Variants in FRMD4B observed in about 807,000 individuals in gnomAD.
FRMD4B encodes the protein FERM domain containing 4B, also known as FERM domain-containing protein 4B.
Under a neutral mutation model 141.5 loss-of-function variants are expected in FRMD4B, and 74 were observed. The observed-to-expected ratio is 0.52, with a 90% CI of 0.43 to 0.63. The LOEUF (loss-of-function observed/expected upper bound fraction) is 0.63. FRMD4B is among the 30% of genes least tolerant of loss of function. The probability of loss-of-function intolerance (pLI) is 0.00; values close to 1 mark genes in which losing one functional copy is unlikely to be tolerated. For synonymous variants in FRMD4B, 506 were observed against 467.9 expected (o/e 1.08, Z -1.05); for missense variants, 1,366 against 1,253.4 (o/e 1.09, Z -1.36).
intron 5 of FRMD4B, among the ~76,000 whole-genome samples, chr3:69,263,861 G>A (rs1388905058): frequency 3.7e-5 from 4 of 107,940 alleles, no homozygotes; most frequent in Non-Finnish European, 6.7e-5. Context: ...GTCTCGCTCT[G>A]TTGCCCAGGC....
chr3:69,306,712 C>T, intron 3 of FRMD4B: 1 of 152,188 alleles, frequency 6.6e-6, no homozygotes, highest in East Asian at 1.9e-4. Flanking sequence ...TTTTCCGTTT[C>T]TCCTCTTGGC....
chr3:69,375,802 A>G (rs1447129629), intron 1 of FRMD4B, among the ~76,000 whole-genome samples: 1 of 152,220 alleles, frequency 6.6e-6, no homozygotes, highest in Non-Finnish European at 1.5e-5. Context: ...ATAATATCAT[A>G]CTGAAGAGGA....
In FRMD4B at chr3:69,386,074, A is replaced by G; in HGVS notation, c.-85T>C. ...AGCGGCCTGCCCGCCTGGGCTCCCG[A>G]CGCCGGCTTCTGCTGGCAGCCGGGG... On this transcript the variant is annotated 5_prime_UTR_variant, in exon 1 of 23. Coordinates refer to ENST00000398540, the MANE Select transcript of FRMD4B (RefSeq NM_015123.3). 3.2e-6 allele frequency: 4 copies of G among 1,249,146 alleles called. No homozygotes were observed. The highest frequency in any genetic ancestry group is 4.2e-6 in the Non-Finnish European group (4 of 944,274). 77.4% of individuals were successfully genotyped at this position (1,249,146 alleles called of 1,614,324 possible).
chr3:69,414,710 G>A (rs1457532084), intron 2 of FRMD4B, among the ~76,000 whole-genome samples: 1 of 152,222 alleles, frequency 6.6e-6, no homozygotes, highest in Admixed American at 6.5e-5. Flanking sequence ...GGTCAAGGGT[G>A]TGCCCAGAAA....
intron 1 of FRMD4B, among the ~76,000 whole-genome samples, chr3:69,537,500 A>G (rs1307095474): frequency 6.6e-6 from 1 of 152,194 alleles, no homozygotes; most frequent in African/African-American, 2.4e-5. Context: ...ATTCAAATAA[A>G]TGTCTTCCAA....
In FRMD4B at chr3:69,232,914, GTT is replaced by G. The variant is rs58551547; in HGVS notation, c.582-8226_582-8225del. Reference sequence around the variant, plus strand: ...GTTGCAAATTTCACTTTTGTTGTTTGTTTTTTTTTTTTTTTTTGGTAGGGATG... The same window carrying G: ...GTTGCAAATTTCACTTTTGTTGTTTGTTTTTTTTTTTTTTTGGTAGGGATG... On this transcript the variant is annotated intron_variant, in intron 7 of 22. Coordinates refer to ENST00000398540, the MANE Select transcript of FRMD4B (RefSeq NM_015123.3). Among the ~76,000 whole-genome samples, 42 of 128,792 alleles carry G rather than the reference GTT, an allele frequency of 3.3e-4. 1 individual carries two copies. Among genetic ancestry groups the G allele is most frequent in the East Asian group, 1.5e-3 (6 of 4,022 alleles). 84.5% of individuals were successfully genotyped at this position (128,792 alleles called of 152,430 possible). A position where few individuals can be genotyped will look rare whatever the true frequency, so the allele number is the denominator to read the frequency against.
intron 7 of FRMD4B, among the ~76,000 whole-genome samples, chr3:69,233,474 C>A (rs1168089282): frequency 7.4e-5 from 11 of 149,332 alleles, no homozygotes; most frequent in South Asian, 2.1e-4. Context: ...CAGAGTGAGA[C>A]CCTGTCTCAA....
intron 5 of FRMD4B, among the ~76,000 whole-genome samples, chr3:69,254,666 T>C (rs1037270710): frequency 1.3e-5 from 2 of 152,134 alleles, no homozygotes; most frequent in African/African-American, 4.8e-5. Context: ...ATGAAAATGT[T>C]TCACAACTGG....
chr3:69,459,487 C>T (rs1705674910), intron 1 of FRMD4B, among the ~76,000 whole-genome samples: 1 of 152,166 alleles, frequency 6.6e-6, no homozygotes, highest in Non-Finnish European at 1.5e-5. Context: ...TTTTAAAATG[C>T]CTGTATGTGC....
intron 11 of FRMD4B, among the ~76,000 whole-genome samples, chr3:69,209,588 AAGTGGAAATG>A: frequency 6.6e-6 from 1 of 152,186 alleles, no homozygotes; most frequent in Non-Finnish European, 1.5e-5. Flanking sequence ...GCCAGCTGGT[AAGTGGAAATG>A]CAGAACTGGT....
At chr3:69,531,667 C>T (rs1339477362) in intron 1 of FRMD4B, among the ~76,000 whole-genome samples, 4 of 152,192 alleles carry the variant, frequency 2.6e-5, no homozygotes, top group Non-Finnish European at 5.9e-5. Context: ...TGCTGACAAA[C>T]TGCCAATTTT....
intron 5 of FRMD4B, among the ~76,000 whole-genome samples, chr3:69,259,965 C>G (rs928191831): frequency 6.6e-6 from 1 of 152,196 alleles, no homozygotes; most frequent in African/African-American, 2.4e-5. Context: ...CTAATGAAAT[C>G]GCTTTATAGT....
At chr3:69,356,496 G>C (rs1482095536) in intron 1 of FRMD4B, among the ~76,000 whole-genome samples, 2 of 151,824 alleles carry the variant, frequency 1.3e-5, no homozygotes, top group Admixed American at 6.6e-5. Flanking sequence ...GGCTCTCCTT[G>C]CTCCTCAGCC....
At chr3:69,396,110 C>T (rs909177701) in intron 2 of FRMD4B, among the ~76,000 whole-genome samples, 28 of 152,160 alleles carry the variant, frequency 1.8e-4, no homozygotes, top group African/African-American at 6.5e-4. Flanking sequence ...TCTTATTTTG[C>T]CAGTGTCCTT....
intron 2 of FRMD4B, among the ~76,000 whole-genome samples, chr3:69,398,870 A>G (rs1488974976): frequency 6.6e-6 from 1 of 152,210 alleles, no homozygotes; most frequent in Non-Finnish European, 1.5e-5. Context: ...CCATCCTGAC[A>G]TAGTCTATGA....
At chr3:69,294,896 T>C (rs1472285072) in intron 4 of FRMD4B, among the ~76,000 whole-genome samples, 1 of 152,002 alleles carries the variant, frequency 6.6e-6, no homozygotes, top group Admixed American at 6.6e-5. Context: ...GCACGGTGAA[T>C]AATGAAGATA....
chr3:69,232,245 G>A (rs902448059), intron 7 of FRMD4B, among the ~76,000 whole-genome samples: 6 of 152,038 alleles, frequency 3.9e-5, no homozygotes, highest in East Asian at 1.9e-4. Flanking sequence ...TGGTTTCTCC[G>A]GGTCCTAGCC....
intron 1 of FRMD4B, among the ~76,000 whole-genome samples, chr3:69,448,718 G>A (rs900002446): frequency 6.6e-6 from 1 of 152,140 alleles, no homozygotes; most frequent in Admixed American, 6.5e-5. Context: ...TTTGTGTCTC[G>A]TGCAAGCGTT....
intron 2 of FRMD4B, among the ~76,000 whole-genome samples, chr3:69,406,366 G>A (rs769469717): frequency 3.3e-5 from 5 of 152,170 alleles, no homozygotes; most frequent in East Asian, 3.8e-4. Flanking sequence ...AGGCTCTAAC[G>A]AGACTTTCCC....
Sources: gnomAD v4.1 joint callset for allele counts (sites outside exome capture counted in the v4.1 genomes callset) on GRCh38, gnomAD v4.1.1 for gene constraint, MANE v1.5 for transcripts, NCBI Gene and HGNC (gene_info 2026-07-23, HGNC 2026-07-21) for gene names.